Variants in RBFOX1 observed in about 807,000 individuals in gnomAD.
The protein encoded by RBFOX1 is RNA binding fox-1 homolog 1.
A neutral mutation model predicts 57.7 loss-of-function variants in RBFOX1; 8 were observed. The observed-to-expected ratio is 0.14, with a 90% CI of 0.08 to 0.25. The LOEUF is 0.25. Among genes scored for constraint, RBFOX1 ranks in the 10% least tolerant of loss-of-function variants. The pLI is 1.00. For synonymous variants in RBFOX1, 326 were observed against 222.4 expected, an observed-to-expected ratio of 1.47 and a Z score of -4.15; for missense variants, 611 against 548.5, an observed-to-expected ratio of 1.11 and a Z score of -1.14.
chr16:6,645,656 A>T (rs555401962), intron 2 of RBFOX1, among the ~76,000 whole-genome samples: 21 of 152,312 alleles, frequency 1.4e-4, no homozygotes, highest in Non-Finnish European at 2.4e-4. Context: ...AGGCCTTGGA[A>T]GAGAAAACTT....
intron 1 of RBFOX1, among the ~76,000 whole-genome samples, chr16:5,300,255 A>AT (rs894518137): frequency 1.8e-4 from 27 of 152,192 alleles, no homozygotes; most frequent in African/African-American, 6.5e-4. Context: ...GTATTGATGT[A>AT]TTTTTTCTTG....
chr16:7,683,586 C>T (rs1167684843), intron 14 of RBFOX1, among the ~76,000 whole-genome samples: 2 of 151,812 alleles, frequency 1.3e-5, no homozygotes, highest in Admixed American at 1.3e-4. Flanking sequence ...CGTGGGTAGA[C>T]ACTTTTGCCA....
chr16:5,774,266 C>T (rs1284602109), intron 3 of RBFOX1, among the ~76,000 whole-genome samples: 1 of 152,166 alleles, frequency 6.6e-6, no homozygotes, highest in Admixed American at 6.6e-5. Flanking sequence ...GACAGAGACC[C>T]ACAGACCAAC....
chr16:6,125,282 G>T (rs567871785), intron 1 of RBFOX1, among the ~76,000 whole-genome samples: 1 of 152,264 alleles, frequency 6.6e-6, no homozygotes, highest in East Asian at 1.9e-4. Flanking sequence ...TAAGTCACTA[G>T]ATGGAGGAGG....
chr16:7,406,659 T>A (rs1333738889), intron 4 of RBFOX1, among the ~76,000 whole-genome samples: 3 of 152,210 alleles, frequency 2.0e-5, no homozygotes, highest in African/African-American at 7.2e-5. Context: ...ACATGGCAGA[T>A]TGTTACCTGA....
intron 14 of RBFOX1, among the ~76,000 whole-genome samples, chr16:7,679,476 T>C (rs2074201475): frequency 1.3e-5 from 2 of 152,220 alleles, no homozygotes; most frequent in Non-Finnish European, 2.9e-5. Context: ...GAGAATGTTT[T>C]GGTAATGCTC....
chr16:6,795,472 A>G (rs1053351294), intron 3 of RBFOX1, among the ~76,000 whole-genome samples: 1 of 152,282 alleles, frequency 6.6e-6, no homozygotes, highest in Middle Eastern at 3.4e-3. Flanking sequence ...TGATGCTTAA[A>G]GAGAGACATT....
intron 2 of RBFOX1, among the ~76,000 whole-genome samples, chr16:6,421,095 G>A (rs184150792): frequency 1.3e-5 from 2 of 152,180 alleles, no homozygotes; most frequent in Admixed American, 6.5e-5. Flanking sequence ...TCACATGAAG[G>A]CTGGATGTGA....
At chr16:6,825,023 G>A (rs566152733) in intron 3 of RBFOX1, among the ~76,000 whole-genome samples, 102 of 63,450 alleles carry the variant, frequency 1.6e-3, no homozygotes, top group African/African-American at 4.2e-3. Context: ...TTGAGACGGC[G>A]TCTGGCTCTG....
At chr16:6,705,629 T>A (rs907458316) in intron 3 of RBFOX1, 1 of 152,246 alleles carries the variant, frequency 6.6e-6, no homozygotes, top group Non-Finnish European at 1.5e-5. Context: ...ATGAGCCTGA[T>A]AGCAAATATT....
chr16:6,189,250 G>A (rs1440857268), intron 1 of RBFOX1, among the ~76,000 whole-genome samples: 1 of 152,208 alleles, frequency 6.6e-6, no homozygotes, highest in Non-Finnish European at 1.5e-5. Flanking sequence ...GAAGCTGATG[G>A]CACAGGGAGA....
chr16:7,257,403 C>T (rs907812448), intron 4 of RBFOX1, among the ~76,000 whole-genome samples: 2 of 152,152 alleles, frequency 1.3e-5, no homozygotes, highest in Admixed American at 6.5e-5. Context: ...TCTTTTATTT[C>T]TGAAGTCACT....
intron 4 of RBFOX1, among the ~76,000 whole-genome samples, chr16:5,902,142 C>A (rs1029443970): frequency 6.6e-6 from 1 of 152,170 alleles, no homozygotes; most frequent in African/African-American, 2.4e-5. Context: ...TGTTCACCTG[C>A]CATGAGTCAG....
chr16:7,246,304 A>C (rs2094296175), intron 4 of RBFOX1, among the ~76,000 whole-genome samples: 1 of 152,166 alleles, frequency 6.6e-6, no homozygotes, highest in Non-Finnish European at 1.5e-5. Context: ...CAGCTCCAGC[A>C]GCACCCTCCC....
intron 4 of RBFOX1, among the ~76,000 whole-genome samples, chr16:7,376,355 A>G (rs961711209): frequency 6.6e-6 from 1 of 152,176 alleles, no homozygotes; most frequent in Non-Finnish European, 1.5e-5. Context: ...TCATATCGCT[A>G]ATGTATGACT....
rs1164831384 is a variant in RBFOX1 at position 6,159,710 on chromosome 16, AT to A, written c.-127+139723del. ...GTACAGTGAATGTGCTCTTAACCTC[AT>A]TTTTCTGCAGCTTCATTCTATGTTT... On this transcript the variant is annotated intron_variant, in intron 1 of 15. Transcript: ENST00000550418. Among the ~76,000 whole-genome samples, 3 of 152,062 alleles carry A rather than the reference AT, an allele frequency of 2.0e-5. No homozygotes were observed. The East Asian group carries it at 5.8e-4, about 29-fold the overall frequency.
At chr16:5,669,425 T>TTC (rs901416437) in intron 3 of RBFOX1, among the ~76,000 whole-genome samples, 3 of 147,858 alleles carry the variant, frequency 2.0e-5, no homozygotes, top group African/African-American at 7.5e-5. Context: ...AAGTTGGCTT[T>TTC]TTTTTTTTTT....
chr16:6,173,202 C>T (rs912162316), intron 1 of RBFOX1, among the ~76,000 whole-genome samples: 7 of 152,160 alleles, frequency 4.6e-5, no homozygotes, highest in South Asian at 2.1e-4. Context: ...AGGATTACAG[C>T]GGCGTGGACA....
chr16:6,192,882 C>G (rs111674767), intron 1 of RBFOX1, among the ~76,000 whole-genome samples: 2 of 152,046 alleles, frequency 1.3e-5, no homozygotes, highest in African/African-American at 4.8e-5. Context: ...GATGCAACAC[C>G]AAAGCTAATA....
Sources: allele counts gnomAD v4.1 joint callset (sites outside exome capture counted in the v4.1 genomes callset), GRCh38; gene constraint gnomAD v4.1.1; transcripts MANE v1.5; gene names NCBI Gene and HGNC (gene_info 2026-07-23, HGNC 2026-07-21).